The following COL5A2 variants were observed in gnomAD, a reference collection of about 807,000 sequenced individuals.
COL5A2 encodes collagen type V alpha 2 chain.
In COL5A2, 23 loss-of-function variants were observed where a neutral mutation model predicts 208.2. That is an observed-to-expected ratio of 0.11 (90% CI 0.08 to 0.16). The LOEUF is 0.16. Ranked by LOEUF, COL5A2 falls within the 10% of genes least tolerant of loss-of-function variation. COL5A2 has a pLI of 1.00. For synonymous variants in COL5A2, 625 were observed against 628.5 expected, an observed-to-expected ratio of 0.99 and a Z score of 0.08; for missense variants, 1,590 against 1,956.4, an observed-to-expected ratio of 0.81 and a Z score of 3.53.
upstream of COL5A2, among the ~76,000 whole-genome samples, chr2:189,226,790 G>A (rs1255260098): frequency 6.6e-6 from 1 of 152,112 alleles, no homozygotes; most frequent in African/African-American, 2.4e-5. Context: ...AGCTTTTTGA[G>A]GGGCTGCCCA....
the COL5A2 span, among the ~76,000 whole-genome samples, chr2:189,342,042 A>G: frequency 1.3e-5 from 2 of 152,086 alleles, no homozygotes; most frequent in Non-Finnish European, 2.9e-5. Context: ...ATTCTCAGCT[A>G]CTTTCTTAAA....
At chr2:189,436,107 C>T in the COL5A2 span, among the ~76,000 whole-genome samples, 1 of 152,086 alleles carries the variant, frequency 6.6e-6, no homozygotes. Context: ...TGTTCTCACT[C>T]ATAGGTGGGA....
chr2:189,161,786 G>A (rs1437257655), intron 1 of COL5A2, among the ~76,000 whole-genome samples: 1 of 152,144 alleles, frequency 6.6e-6, no homozygotes, highest in Non-Finnish European at 1.5e-5. Context: ...AAAAATCAAT[G>A]ACATTTACAA....
At chr2:189,419,972 GAGAGGAGGA>G in the COL5A2 span, among the ~76,000 whole-genome samples, 1 of 144,580 alleles carries the variant, frequency 6.9e-6, no homozygotes, top group South Asian at 2.3e-4. Context: ...GAGAGGAGAG[GAGAGGAGGA>G]AGAGGAGGAG....
intron 1 of COL5A2, among the ~76,000 whole-genome samples, chr2:189,205,458 C>A (rs973224504): frequency 1.3e-4 from 20 of 152,172 alleles, no homozygotes; most frequent in African/African-American, 4.8e-4. Context: ...CTTTTCTAAA[C>A]AAGGCAATGG....
the COL5A2 span, among the ~76,000 whole-genome samples, chr2:189,380,849 G>A: frequency 6.6e-6 from 1 of 151,908 alleles, no homozygotes; most frequent in East Asian, 1.9e-4. Context: ...TTTGTAATTT[G>A]TAGAAATTTT....
At chr2:189,201,259 C>G (rs1210754504) in intron 1 of COL5A2, among the ~76,000 whole-genome samples, 2 of 151,816 alleles carry the variant, frequency 1.3e-5, no homozygotes, top group Non-Finnish European at 1.5e-5. Context: ...AATGCATATC[C>G]TAAAGCCTAG....
At chr2:189,096,865 C>T (rs879909556) in intron 6 of COL5A2, among the ~76,000 whole-genome samples, 10 of 152,064 alleles carry the variant, frequency 6.6e-5, no homozygotes, top group African/African-American at 2.2e-4. Context: ...GTGAAAAAGG[C>T]GGAGTGCTAC....
intron 35 of COL5A2, among the ~76,000 whole-genome samples, chr2:189,055,456 G>A (rs1164232781): frequency 6.6e-6 from 1 of 151,996 alleles, no homozygotes; most frequent in Non-Finnish European, 1.5e-5. Context: ...TTTAATTTCT[G>A]TATGTACAAC....
At chr2:189,264,614 G>A in the COL5A2 span, among the ~76,000 whole-genome samples, 5 of 152,088 alleles carry the variant, frequency 3.3e-5, no homozygotes, top group Non-Finnish European at 7.4e-5. Context: ...AACAGACAGT[G>A]TATAATCACG....
the COL5A2 span, among the ~76,000 whole-genome samples, chr2:189,362,788 T>A: frequency 6.6e-6 from 1 of 151,916 alleles, no homozygotes; most frequent in Non-Finnish European, 1.5e-5. Context: ...GCAAACAACA[T>A]AAAATAGAGA....
chr2:189,428,481 G>C, the COL5A2 span, among the ~76,000 whole-genome samples: 8 of 152,244 alleles, frequency 5.3e-5, no homozygotes, highest in African/African-American at 1.9e-4. Context: ...AGCTGGGTGT[G>C]GTGGCACGCA....
At chr2:189,297,187 T>C in the COL5A2 span, among the ~76,000 whole-genome samples, 1 of 152,100 alleles carries the variant, frequency 6.6e-6, no homozygotes, top group Admixed American at 6.5e-5. Context: ...TTTGTAATTA[T>C]TATCAATAGG....
chr2:189,062,241 C>T (rs937276890), intron 29 of COL5A2, among the ~76,000 whole-genome samples: 6 of 149,488 alleles, frequency 4.0e-5, no homozygotes, highest in African/African-American at 1.2e-4. Context: ...TGGAGTGCAA[C>T]GGTGTAATTT....
At chr2:189,078,709 G>A (rs185505500) in intron 15 of COL5A2, 140 bp from the exon 16 acceptor site, 1 of 803,418 alleles carries the variant, frequency 1.2e-6, no homozygotes, top group African/African-American at 1.7e-5. Flanking sequence ...TGTTGGGTTT[G>A]AAAAACTATC....
intron 9 of COL5A2, 77 bp downstream of exon 9, chr2:189,086,649 G>T: frequency 1.7e-6 from 2 of 1,169,204 alleles, no homozygotes; most frequent in Non-Finnish European, 2.5e-6. Context: ...AAGCAGTCAT[G>T]TCACAGAGAC....
At chr2:189,284,452 A>G in the COL5A2 span, among the ~76,000 whole-genome samples, 1 of 152,132 alleles carries the variant, frequency 6.6e-6, no homozygotes, top group Admixed American at 6.6e-5. Context: ...AAGCAAACAC[A>G]TCTTACTACG....
intron 5 of COL5A2, among the ~76,000 whole-genome samples, chr2:189,098,471 A>G (rs539781698): frequency 3.2e-4 from 48 of 152,354 alleles, no homozygotes; most frequent in African/African-American, 1.1e-3. Flanking sequence ...ATGTAACAAT[A>G]AAGTGTTTTG....
intron 44 of COL5A2, 36 bp downstream of exon 44, chr2:189,049,311 T>A (rs1685733464): frequency 7.1e-7 from 1 of 1,418,014 alleles, no homozygotes; most frequent in Non-Finnish European, 9.9e-7. Context: ...TGACACCAGA[T>A]AACAAGAGAA....
Sources: allele counts gnomAD v4.1 joint callset (sites outside exome capture counted in the v4.1 genomes callset), GRCh38; gene constraint gnomAD v4.1.1; transcripts MANE v1.5; gene names NCBI Gene and HGNC (gene_info 2026-07-23, HGNC 2026-07-21).